The following YEATS4 variants were observed in gnomAD, a reference collection of about 807,000 sequenced individuals.
YEATS4 encodes YEATS domain-containing protein 4.
A neutral mutation model predicts 30.1 loss-of-function variants in YEATS4; 17 were observed. That is an observed-to-expected ratio of 0.56 (90% CI 0.39 to 0.85). The LOEUF (loss-of-function observed/expected upper bound fraction) is 0.85. YEATS4 is among the 40% of genes least tolerant of loss of function. The pLI is 0.00. For synonymous variants in YEATS4, 85 were observed against 87.5 expected (o/e 0.97, Z 0.16); for missense variants, 142 against 268.3 (o/e 0.53, Z 3.29).
intron 6 of YEATS4, among the ~76,000 whole-genome samples, chr12:69,373,249 C>T (rs1875713952): frequency 6.6e-6 from 1 of 152,142 alleles, no homozygotes; most frequent in Non-Finnish European, 1.5e-5. Flanking sequence ...AATTTACATT[C>T]CCACCAACAG....
At chr12:69,411,528 C>T in the YEATS4 span, among the ~76,000 whole-genome samples, 2 of 152,152 alleles carry the variant, frequency 1.3e-5, no homozygotes, top group Non-Finnish European at 2.9e-5. Flanking sequence ...AGAAAATAAA[C>T]AGTAAGCATA....
At chr12:69,361,205 A>C (rs1050389103) in intron 1 of YEATS4, 2 of 152,206 alleles carry the variant, frequency 1.3e-5, no homozygotes, top group African/African-American at 4.8e-5. Context: ...TTCTTTAAAA[A>C]AAAAATAGCA....
At chr12:69,397,735 A>G in the YEATS4 span, among the ~76,000 whole-genome samples, 1 of 152,180 alleles carries the variant, frequency 6.6e-6, no homozygotes, top group Non-Finnish European at 1.5e-5. Flanking sequence ...GTAAGAGGAG[A>G]CTAAGACACA....
the YEATS4 span, among the ~76,000 whole-genome samples, chr12:69,419,292 C>T: frequency 6.7e-6 from 1 of 150,038 alleles, no homozygotes; most frequent in Non-Finnish European, 1.5e-5. Context: ...GCGATCATGA[C>T]CCACTGCAGC....
At chr12:69,403,232 G>A in the YEATS4 span, among the ~76,000 whole-genome samples, 5 of 151,928 alleles carry the variant, frequency 3.3e-5, no homozygotes, top group Non-Finnish European at 7.4e-5. Context: ...CCTGAGATTT[G>A]GCCTTTGTAA....
At chr12:69,401,809 T>A in the YEATS4 span, among the ~76,000 whole-genome samples, 1 of 152,198 alleles carries the variant, frequency 6.6e-6, no homozygotes, top group African/African-American at 2.4e-5. Flanking sequence ...TTTCTTTTGT[T>A]AAAGTATTTC....
At chr12:69,413,353 G>GAAA in the YEATS4 span, among the ~76,000 whole-genome samples, 24 of 110,574 alleles carry the variant, frequency 2.2e-4, no homozygotes, top group Admixed American at 2.7e-4. Flanking sequence ...GTCTCTAAAT[G>GAAA]AAAAAAAAAA....
At chr12:69,408,463 A>G in the YEATS4 span, among the ~76,000 whole-genome samples, 1 of 152,208 alleles carries the variant, frequency 6.6e-6, no homozygotes, top group East Asian at 1.9e-4. Flanking sequence ...TTATTGGGAA[A>G]TAAAGGATGT....
chr12:69,419,562 A>C, the YEATS4 span, among the ~76,000 whole-genome samples: 1 of 152,072 alleles, frequency 6.6e-6, no homozygotes, highest in Non-Finnish European at 1.5e-5. Context: ...CATTTTCATT[A>C]GGTTGAATCA....
In YEATS4 at chr12:69,373,501, C is replaced by T. The variant is rs192851944; in HGVS notation, c.514+2526C>T. 3.8e-4 allele frequency among the ~76,000 whole-genome samples: 58 copies of T among 152,156 alleles called. No homozygotes were observed. The South Asian group carries it at 0.011, about 28-fold the overall frequency. ...AAAATCAGATTCTTAAGGAGTTGTT[C>T]GAGCTCCTTATATATTCTGATTATT... On this transcript the variant is annotated intron_variant, in intron 6 of 6. Transcript: ENST00000247843.
intron 1 of YEATS4, among the ~76,000 whole-genome samples, chr12:69,362,410 G>A (rs930451763): frequency 6.6e-6 from 1 of 152,120 alleles, no homozygotes; most frequent in Admixed American, 6.5e-5. Context: ...ACTATACTTT[G>A]GGAAACACTG....
intron 6 of YEATS4, among the ~76,000 whole-genome samples, chr12:69,388,201 C>T (rs1868275229): frequency 6.6e-6 from 1 of 152,156 alleles, no homozygotes; most frequent in South Asian, 2.1e-4. Flanking sequence ...GCTGGGACTA[C>T]AAGTGCTCGC....
chr12:69,415,041 G>A, the YEATS4 span, among the ~76,000 whole-genome samples: 4 of 152,162 alleles, frequency 2.6e-5, no homozygotes, highest in Non-Finnish European at 1.5e-5. Context: ...CACAAAGAAC[G>A]TACACTAAGC....
chr12:69,363,695 G>A (rs1054535185), intron 2 of YEATS4, among the ~76,000 whole-genome samples: 1 of 152,182 alleles, frequency 6.6e-6, no homozygotes, highest in Non-Finnish European at 1.5e-5. Flanking sequence ...TATTTATTGA[G>A]TGAGTAAATT....
chr12:69,403,678 C>T, the YEATS4 span, among the ~76,000 whole-genome samples: 1 of 151,990 alleles, frequency 6.6e-6, no homozygotes, highest in Non-Finnish European at 1.5e-5. Context: ...CAAAGCTTGT[C>T]ACCTACCTGT....
intron 2 of YEATS4, among the ~76,000 whole-genome samples, chr12:69,363,473 CAGTACA>C (rs1253493249): frequency 6.6e-6 from 1 of 152,186 alleles, no homozygotes; most frequent in African/African-American, 2.4e-5. Context: ...GCTATAAATA[CAGTACA>C]AGTACATCTT....
the YEATS4 span, among the ~76,000 whole-genome samples, chr12:69,399,016 G>A: frequency 3.3e-5 from 5 of 151,844 alleles, no homozygotes; most frequent in East Asian, 3.9e-4. Flanking sequence ...GCATGGTGGC[G>A]GGTGCCTGTA....
At chr12:69,381,276 A>T (rs2121025858) in intron 6 of YEATS4, among the ~76,000 whole-genome samples, 1 of 152,314 alleles carries the variant, frequency 6.6e-6, no homozygotes, top group South Asian at 2.1e-4. Context: ...GCTGAGAAAA[A>T]GAATTCAGCG....
chr12:69,413,971 C>A, the YEATS4 span, among the ~76,000 whole-genome samples: 47 of 152,178 alleles, frequency 3.1e-4, no homozygotes, highest in East Asian at 7.4e-3. Context: ...CCTTCTAATA[C>A]AAAAATTTTG....
Sources: allele counts gnomAD v4.1 joint callset (sites outside exome capture counted in the v4.1 genomes callset), GRCh38; gene constraint gnomAD v4.1.1; transcripts MANE v1.5; gene names NCBI Gene and HGNC (gene_info 2026-07-23, HGNC 2026-07-21).